Variants in KIAA0040 observed in about 807,000 individuals in gnomAD.
KIAA0040 encodes uncharacterized protein KIAA0040.
In KIAA0040, 10 loss-of-function variants were observed where a neutral mutation model predicts 7.2. The ratio of observed to expected loss-of-function variants is 1.38; its 90% CI spans 0.85 to 2.34. The LOEUF (loss-of-function observed/expected upper bound fraction) is 2.34. Among genes scored for constraint, KIAA0040 ranks in the 30% most tolerant of loss-of-function variants. KIAA0040 has a pLI of 0.00. For missense variants in KIAA0040, 89 were observed against 108.2 expected, an observed-to-expected ratio of 0.82 and a Z score of 0.79; for synonymous variants, 49 against 40.1, an observed-to-expected ratio of 1.22 and a Z score of -0.84.
intron 1 of KIAA0040, among the ~76,000 whole-genome samples, chr1:175,183,435 A>G (rs1677523855): frequency 6.6e-6 from 1 of 152,204 alleles, no homozygotes; most frequent in South Asian, 2.1e-4. Flanking sequence ...TGGCACCCCA[A>G]GCTCTCATAC....
intron 3 of KIAA0040, among the ~76,000 whole-genome samples, chr1:175,164,795 T>C (rs569009708): frequency 6.6e-6 from 1 of 152,076 alleles, no homozygotes; most frequent in Admixed American, 6.6e-5. Context: ...TAGTGTTTCA[T>C]TAGTATTTAT....
At position 175,160,948 on chromosome 1, in the gene KIAA0040, G is replaced by C. The variant is rs1180610403; in HGVS notation, c.66C>G (p.Gly22=). Reference sequence around the variant, plus strand: ...CTCCCAGGCAGATGGTGTTGTAGATGCCTTCTTGGTGTTTGGTCAAGATGG... The same window carrying C: ...CTCCCAGGCAGATGGTGTTGTAGATCCCTTCTTGGTGTTTGGTCAAGATGG... ...WDTILTKHQE[G]IYNTICLGVL... The change falls in exon 4 of 4, where the codon GGC becomes GGG. Residue 22 remains glycine (G), a synonymous_variant. Transcript: ENST00000423313. The C allele has an allele frequency of 3.2e-6, 5 of 1,551,546 alleles. No homozygotes were observed. The highest frequency in any genetic ancestry group is 3.5e-6 in the Non-Finnish European group (4 of 1,146,964).
chr1:175,188,170 G>A (rs1677736625), intron 1 of KIAA0040, among the ~76,000 whole-genome samples: 1 of 152,166 alleles, frequency 6.6e-6, no homozygotes, highest in East Asian at 1.9e-4. Context: ...CTCTTCCCAG[G>A]GGTGGGGATT....
At chr1:175,161,610 A>C (rs1676548066) in intron 3 of KIAA0040, among the ~76,000 whole-genome samples, 1 of 152,218 alleles carries the variant, frequency 6.6e-6, no homozygotes, top group Non-Finnish European at 1.5e-5. Flanking sequence ...AGCTTATTGA[A>C]GCTTAAGCAC....
intron 2 of KIAA0040, among the ~76,000 whole-genome samples, chr1:175,176,711 C>CTTTTTTTTTTTTT (rs1571205325): frequency 4.1e-5 from 2 of 48,354 alleles, no homozygotes; most frequent in South Asian, 7.9e-4. Flanking sequence ...GCTTCAGCAC[C>CTTTTTTTTTTTTT]TTCTTTCTTT....
chr1:175,181,442 T>G (rs543615784), intron 1 of KIAA0040, among the ~76,000 whole-genome samples: 80 of 152,348 alleles, frequency 5.3e-4, no homozygotes, highest in African/African-American at 1.8e-3. Flanking sequence ...TCACATTTGT[T>G]GAGTACCTAC....
In KIAA0040 at chr1:175,160,923, C is replaced by G; in HGVS notation, c.91G>C (p.Val31Leu). 6.4e-7 allele frequency: 1 copy of G among 1,551,520 alleles called. No homozygotes were observed. The highest frequency in any genetic ancestry group is 2.4e-5 in the East Asian group (1 of 40,918). The change falls in exon 4 of 4, where the codon GTC (valine) becomes CTC (leucine). Residue 31 changes from valine (V) to leucine (L), a missense_variant. Val to Leu is a conservative substitution (Grantham distance 32). Transcript: ENST00000423313. ...EGIYNTICLG[V>L]LLGLPLLVII... is the part of the protein sequence containing the mutation. Reference sequence around the variant, plus strand: ...ACCAAGAGTGGCAGGCCCAGGAGGACTCCCAGGCAGATGGTGTTGTAGATG... The same window carrying G: ...ACCAAGAGTGGCAGGCCCAGGAGGAGTCCCAGGCAGATGGTGTTGTAGATG...
chr1:175,183,389 G>C (rs894154190), intron 1 of KIAA0040, among the ~76,000 whole-genome samples: 2 of 152,202 alleles, frequency 1.3e-5, no homozygotes, highest in African/African-American at 4.8e-5. Context: ...TGAGGGCTAT[G>C]CTATGTCCAT....
Position 175,161,152 on chromosome 1 carries a change from G to A in KIAA0040, c.-133-6C>T, listed in dbSNP as rs2101873942. 1 of 696,128 alleles carries A rather than the reference G, an allele frequency of 1.4e-6. No individual in the cohort carries two copies. Among genetic ancestry groups the A allele is most frequent in the African/African-American group, 1.8e-5 (1 of 55,402 alleles). The allele number at this position is 696,128 out of a possible 1,614,324, so 43.1% of individuals were successfully genotyped here. A position where few individuals can be genotyped will look rare whatever the true frequency, so the allele number is the denominator to read the frequency against. On this transcript the variant is annotated splice_region_variant and splice_polypyrimidine_tract_variant and intron_variant, in intron 3 of 3. Coordinates refer to ENST00000423313, the MANE Select transcript of KIAA0040 (RefSeq NM_014656.3). ...GGGCATGCCACTGGCAGCACCTGAA[G>A]AGATTAAAACAGACAACTGAAGAGA...
At chr1:175,180,059 AC>A (rs1398742826) in intron 1 of KIAA0040, among the ~76,000 whole-genome samples, 1 of 151,742 alleles carries the variant, frequency 6.6e-6, no homozygotes, top group Non-Finnish European at 1.5e-5. Context: ...GCTCTCTCTC[AC>A]CCCACCCCCA....
chr1:175,177,890 GT>G (rs753469388), intron 1 of KIAA0040, among the ~76,000 whole-genome samples: 1 of 152,214 alleles, frequency 6.6e-6, no homozygotes, highest in Non-Finnish European at 1.5e-5. Context: ...CATAGTGAAT[GT>G]AATGTGTGTC....
rs967476850 is a variant in KIAA0040, at chr1:175,157,505, A to G, written c.*3209T>C. The G allele has an allele frequency of 3.3e-5, 5 of 152,260 alleles. No individual in the cohort carries two copies. Among genetic ancestry groups the G allele is most frequent in the Non-Finnish European group, 1.5e-5 (1 of 68,050 alleles). 9.4% of individuals were successfully genotyped at this position (152,260 alleles called of 1,614,324 possible). ...TGAGTGGGGGTAATACCTAATGTTA[A>G]GAGAGTAACCATCTGACTACATCAA... On this transcript the variant is annotated 3_prime_UTR_variant, in exon 4 of 4. Transcript: ENST00000423313.
At chr1:175,175,790 A>G (rs1330251005) in intron 2 of KIAA0040, among the ~76,000 whole-genome samples, 1 of 151,560 alleles carries the variant, frequency 6.6e-6, no homozygotes, top group Non-Finnish European at 1.5e-5. Context: ...AAAACCAAAC[A>G]CCTCATGTTC....
At chr1:175,163,634 G>T (rs991327786) in intron 3 of KIAA0040, among the ~76,000 whole-genome samples, 1 of 152,210 alleles carries the variant, frequency 6.6e-6, no homozygotes, top group African/African-American at 2.4e-5. Flanking sequence ...AATGACCTTT[G>T]CTTTTACCTC....
intron 3 of KIAA0040, among the ~76,000 whole-genome samples, chr1:175,166,209 A>G (rs922130069): frequency 2.0e-5 from 3 of 152,192 alleles, no homozygotes. Flanking sequence ...CCTTTGCTCA[A>G]ACAGCTCCAT....
chr1:175,164,006 C>G (rs1348442419), intron 3 of KIAA0040, among the ~76,000 whole-genome samples: 1 of 152,116 alleles, frequency 6.6e-6, no homozygotes, highest in Non-Finnish European at 1.5e-5. Context: ...AGAGAAACTT[C>G]TAGAACATGA....
At position 175,161,070 on chromosome 1, in the gene KIAA0040, C is replaced by G. The variant is rs1002489301; in HGVS notation, c.-57G>C. On this transcript the variant is annotated 5_prime_UTR_variant, in exon 4 of 4. Transcript: ENST00000423313. The stretch of plus-strand genomic sequence containing the variant: ...TCTCGGCTTACAAGCAGGTCCTGGG[C>G]TCAAAAGGATGCAACCTTGACCACT... 1.4e-6 allele frequency: 2 copies of G among 1,461,832 alleles called. No homozygotes were observed. The highest frequency in any genetic ancestry group is 1.8e-6 in the Non-Finnish European group (2 of 1,095,148). The allele number at this position is 1,461,832 out of a possible 1,614,324, so 90.6% of individuals were successfully genotyped here.
intron 1 of KIAA0040, among the ~76,000 whole-genome samples, chr1:175,182,065 G>A (rs370218139): frequency 1.8e-4 from 27 of 152,302 alleles, no homozygotes; most frequent in Admixed American, 5.2e-4. Flanking sequence ...GGTTCTGGCC[G>A]TAGGAGGAGG....
At chr1:175,176,155 G>A (rs1677181874) in intron 2 of KIAA0040, among the ~76,000 whole-genome samples, 1 of 152,158 alleles carries the variant, frequency 6.6e-6, no homozygotes, top group Admixed American at 6.5e-5. Flanking sequence ...TGGTGGTGGG[G>A]GAGACATTTA....
Sources: allele counts gnomAD v4.1 joint callset (sites outside exome capture counted in the v4.1 genomes callset), GRCh38; gene constraint gnomAD v4.1.1; transcripts MANE v1.5; gene names NCBI Gene and HGNC (gene_info 2026-07-23, HGNC 2026-07-21).